Variants in MPRIP observed in about 807,000 individuals in gnomAD.
The protein encoded by MPRIP is myosin phosphatase Rho interacting protein, also known as myosin phosphatase Rho-interacting protein.
Under a neutral mutation model 234.9 loss-of-function variants are expected in MPRIP, and 59 were observed. The ratio of observed to expected loss-of-function variants is 0.25; its 90% confidence interval spans 0.20 to 0.31. The LOEUF is 0.31. Ranked by LOEUF, MPRIP falls within the 10% of genes least tolerant of loss-of-function variation. The pLI is 1.00. For synonymous variants in MPRIP, 1,144 were observed against 1,263.9 expected (o/e 0.91, Z 2.01); for missense variants, 2,436 against 3,071.0 (o/e 0.79, Z 4.89).
chr17:17,131,829 C>G (rs1208672781), intron 5 of MPRIP, 128 bp downstream of exon 5: 7 of 790,124 alleles, frequency 8.9e-6, no homozygotes, highest in Admixed American at 6.5e-5. Context: ...CAACTCTGCA[C>G]ATCCTTGCTT....
rs55714262 is a variant in MPRIP, at chr17:17,111,225, CAAAAAAAA to C, written c.268-15458_268-15451del. 1.3e-4 allele frequency among the ~76,000 whole-genome samples: 11 copies of C among 86,548 alleles called. No individual in the cohort carries two copies. The South Asian group carries it at 1.4e-3, about 11-fold the overall frequency. 56.8% of individuals were successfully genotyped at this position (86,548 alleles called of 152,430 possible). ...AGCCCTGTTTCACAAGGGGTAGTCC[CAAAAAAAA>C]AAAAAAAAAAAAAAAAAAGTACCAT... On this transcript the variant is annotated intron_variant, in intron 3 of 23. Coordinates refer to ENST00000651222, the MANE Select transcript of MPRIP (RefSeq NM_001364716.4).
At chr17:17,120,603 G>C (rs1026995060) in intron 3 of MPRIP, among the ~76,000 whole-genome samples, 2 of 152,190 alleles carry the variant, frequency 1.3e-5, no homozygotes, top group Admixed American at 1.3e-4. Context: ...AAGAGGACCA[G>C]AGGCTCCAGA....
intron 14 of MPRIP, among the ~76,000 whole-genome samples, chr17:17,159,499 A>G (rs905268113): frequency 1.3e-5 from 2 of 152,220 alleles, no homozygotes; most frequent in Non-Finnish European, 2.9e-5. Flanking sequence ...TCATGAGGAT[A>G]TGAAGCAGAA....
intron 1 of MPRIP, among the ~76,000 whole-genome samples, chr17:17,072,041 T>G (rs2089206906): frequency 6.6e-6 from 1 of 152,162 alleles, no homozygotes; most frequent in Non-Finnish European, 1.5e-5. Flanking sequence ...CAGTTTCAGA[T>G]TATTATAGGA....
chr17:17,150,806 G>A lies in MPRIP; in HGVS notation c.1719+573G>A, dbSNP rs573341565. Among the ~76,000 whole-genome samples, 145 of 151,740 alleles carry A rather than the reference G, an allele frequency of 9.6e-4. No homozygotes were observed. In the Middle Eastern group the frequency reaches 0.01, roughly 11 times the overall value. On this transcript the variant is annotated intron_variant, in intron 12 of 23. Transcript: ENST00000651222. Reference sequence around the variant, plus strand: ...ACTGCCTGCAGTCAGCCAGACTCCAGGTTAAGAGCACAGTCCTCCTGACTG... The same window carrying A: ...ACTGCCTGCAGTCAGCCAGACTCCAAGTTAAGAGCACAGTCCTCCTGACTG...
intron 3 of MPRIP, among the ~76,000 whole-genome samples, chr17:17,089,586 G>A (rs1185275739): frequency 1.3e-5 from 2 of 152,046 alleles, no homozygotes; most frequent in Admixed American, 1.3e-4. Flanking sequence ...TCCTACCTGA[G>A]CCTTTCGAGT....
chr17:17,118,410 G>A (rs1232582206), intron 3 of MPRIP, among the ~76,000 whole-genome samples: 1 of 152,226 alleles, frequency 6.6e-6, no homozygotes, highest in Non-Finnish European at 1.5e-5. Flanking sequence ...ACACCTGAAG[G>A]GTGGGGAAGA....
At chr17:17,044,659 A>T (rs892975259) in intron 1 of MPRIP, among the ~76,000 whole-genome samples, 1 of 151,830 alleles carries the variant, frequency 6.6e-6, no homozygotes, top group South Asian at 2.1e-4. Context: ...TGGTAAATTT[A>T]CACCTCATAG....
rs1367759663 is a variant in MPRIP at position 17,166,820 on chromosome 17, G to A, written c.5229G>A (p.Leu1743=). 2 of 1,304,228 alleles carry A rather than the reference G, an allele frequency of 1.5e-6. No homozygotes were observed. The highest frequency in any genetic ancestry group is 4.6e-5 in the Admixed American group (2 of 43,580). The allele number at this position is 1,304,228 out of a possible 1,614,324, so 80.8% of individuals were successfully genotyped here. ...CGGGCCATGAAGATGGTGTTCAGCT[G>A]TCCTGGGACCTGAGCCCCTTAGGAG... ...LPAGHEDGVQ[L]SWDLSPLGEV... Residue 1743 remains leucine, a synonymous_variant, in exon 16 of 24, where the codon CTG becomes CTA. Transcript: ENST00000651222. The surrounding 1 kb of genome is among the most constrained non-coding windows in gnomAD (Gnocchi z 4.4).
At chr17:17,059,611 A>ACTC (rs1372247192) in intron 1 of MPRIP, among the ~76,000 whole-genome samples, 3 of 151,080 alleles carry the variant, frequency 2.0e-5, no homozygotes, top group Non-Finnish European at 3.0e-5. Context: ...AGTCTCCCAC[A>ACTC]CTCCTCCCCT....
chr17:17,048,474 TC>T (rs547870685), intron 1 of MPRIP, among the ~76,000 whole-genome samples: 7 of 151,832 alleles, frequency 4.6e-5, no homozygotes, highest in Admixed American at 4.6e-4. Flanking sequence ...AGATTTCGCA[TC>T]CCCCCCTTGT....
In MPRIP at chr17:17,136,137, A is replaced by G. The variant is rs1175566121; in HGVS notation, c.505-82A>G. On this transcript the variant is annotated intron_variant, in intron 5 of 23. Transcript: ENST00000651222. ...TGTGTAGCTGGCCCGGGTGCCCCCT[A>G]TAGCTAGGCAGCCAGGACCTGTGAC... 4.6e-6 allele frequency: 7 copies of G among 1,514,828 alleles called. No individual in the cohort carries two copies. In the African/African-American group the frequency reaches 8.2e-5, roughly 18 times the overall value. 93.8% of individuals were successfully genotyped at this position (1,514,828 alleles called of 1,614,324 possible). A position where few individuals can be genotyped will look rare whatever the true frequency, so the allele number is the denominator to read the frequency against.
chr17:17,073,642 C>T (rs2089255345), intron 1 of MPRIP, among the ~76,000 whole-genome samples: 2 of 152,086 alleles, frequency 1.3e-5, no homozygotes, highest in South Asian at 4.1e-4. Flanking sequence ...AGTCCAGATA[C>T]ACACAGGGAG....
chr17:17,069,614 G>A (rs1261873558), intron 1 of MPRIP, among the ~76,000 whole-genome samples: 3 of 150,766 alleles, frequency 2.0e-5, no homozygotes, highest in Non-Finnish European at 4.4e-5. Flanking sequence ...ATAATAAGAC[G>A]TGACTTTATA....
intron 19 of MPRIP, 52 bp from the exon 20 acceptor site, chr17:17,175,241 G>T: frequency 3.7e-6 from 6 of 1,611,316 alleles, no homozygotes; most frequent in South Asian, 1.1e-5. Flanking sequence ...TGTGTCATGC[G>T]ACTTGGCCCC....
intron 14 of MPRIP, 118 bp from the exon 15 acceptor site, chr17:17,161,122 A>G (rs1014429066): frequency 1.6e-6 from 1 of 624,530 alleles, no homozygotes. Flanking sequence ...ATCTGCTGAA[A>G]TGTGGAGACT....
In MPRIP at chr17:17,166,233, C is replaced by G; in HGVS notation, c.4642C>G (p.Leu1548Val). Residue 1548 changes from leucine (L) to valine (V), a missense_variant, in exon 16 of 24, where the codon CTG becomes GTG. By Grantham distance (32) the Leu-to-Val change is conservative. Coordinates refer to ENST00000651222, the MANE Select transcript of MPRIP (RefSeq NM_001364716.4). This position sits in a 1 kb window ranked among gnomAD's most constrained non-coding sequence, Gnocchi z 4.4. Reference protein sequence around the residue: ...GTEENGKPASLQQCSQSELTE... With the variant: ...GTEENGKPASVQQCSQSELTE... Reference sequence around the variant, plus strand: ...CGAGGAGAATGGGAAGCCTGCCTCCCTGCAGCAGTGCTCCCAGTCTGAGTT... The same window carrying G: ...CGAGGAGAATGGGAAGCCTGCCTCCGTGCAGCAGTGCTCCCAGTCTGAGTT... 1 of 1,303,842 alleles carries G rather than the reference C, an allele frequency of 7.7e-7. No individual in the cohort carries two copies. Among genetic ancestry groups the G allele is most frequent in the Non-Finnish European group, 1.0e-6 (1 of 988,740 alleles). The allele number at this position is 1,303,842 out of a possible 1,614,324, so 80.8% of individuals were successfully genotyped here.
chr17:17,106,716 C>T (rs2090070186), intron 3 of MPRIP, among the ~76,000 whole-genome samples: 1 of 152,142 alleles, frequency 6.6e-6, no homozygotes, highest in Non-Finnish European at 1.5e-5. Context: ...AAAAAAGACG[C>T]CACACATGGA....
intron 3 of MPRIP, among the ~76,000 whole-genome samples, chr17:17,119,944 T>A (rs930947179): frequency 6.6e-6 from 1 of 152,236 alleles, no homozygotes; most frequent in Non-Finnish European, 1.5e-5. Flanking sequence ...GTTGGATGAG[T>A]TTGTGAAACA....
Sources: gnomAD v4.1 joint callset for allele counts (sites outside exome capture counted in the v4.1 genomes callset) on GRCh38, gnomAD v4.1.1 for gene constraint, Gnocchi (gnomAD v3.1) non-coding constraint, MANE v1.5 for transcripts, NCBI Gene and HGNC (gene_info 2026-07-23, HGNC 2026-07-21) for gene names.